CERS6: variants seen among roughly 807,000 people sequenced by gnomAD.
CERS6 encodes the protein LAG1 homolog, ceramide synthase 6.
Under a neutral mutation model 56.8 loss-of-function variants are expected in CERS6, and 26 were observed. That is an observed-to-expected ratio of 0.46 (90% CI 0.34 to 0.63). The LOEUF (loss-of-function observed/expected upper bound fraction) is 0.63, where lower values mean the gene tolerates loss of function less well. Among genes scored for constraint, CERS6 ranks in the 30% least tolerant of loss-of-function variants. CERS6 has a pLI of 0.01. For synonymous variants in CERS6, 164 were observed against 173.3 expected, an observed-to-expected ratio of 0.95 and a Z score of 0.42; for missense variants, 415 against 467.5, an observed-to-expected ratio of 0.89 and a Z score of 1.04.
At chr2:168,684,177 G>A (rs1320191036) in intron 4 of CERS6, among the ~76,000 whole-genome samples, 1 of 152,096 alleles carries the variant, frequency 6.6e-6, no homozygotes, top group Non-Finnish European at 1.5e-5. Flanking sequence ...TAATGCCAGG[G>A]GGTCAAGTCC....
At chr2:168,680,417 T>C (rs1224104715) in intron 4 of CERS6, among the ~76,000 whole-genome samples, 25 of 152,198 alleles carry the variant, frequency 1.6e-4, no homozygotes, top group Non-Finnish European at 1.5e-5. Context: ...GTTGGAGAAA[T>C]GGCTTGGTCC....
At chr2:168,489,749 C>T (rs1288127104) in intron 1 of CERS6, among the ~76,000 whole-genome samples, 1 of 151,994 alleles carries the variant, frequency 6.6e-6, no homozygotes, top group East Asian at 1.9e-4. Flanking sequence ...CTGTTGAGAA[C>T]TTCTGTCTTT....
chr2:168,759,454 A>G (rs1392120960), intron 8 of CERS6, among the ~76,000 whole-genome samples: 1 of 152,224 alleles, frequency 6.6e-6, no homozygotes, highest in Non-Finnish European at 1.5e-5. Flanking sequence ...AAATGGTCTC[A>G]GGTCCCTTCT....
chr2:168,596,229 T>G (rs1347573335), intron 3 of CERS6, among the ~76,000 whole-genome samples: 1 of 151,852 alleles, frequency 6.6e-6, no homozygotes, highest in African/African-American at 2.4e-5. Context: ...ATAAGATGAG[T>G]GGCTTTGGTT....
At chr2:168,597,751 T>C (rs1442553909) in intron 3 of CERS6, among the ~76,000 whole-genome samples, 1 of 152,232 alleles carries the variant, frequency 6.6e-6, no homozygotes, top group African/African-American at 2.4e-5. Context: ...ATAATGCTTT[T>C]CCTATTTACT....
At chr2:168,601,467 T>C (rs192481675) in intron 3 of CERS6, among the ~76,000 whole-genome samples, 2 of 152,242 alleles carry the variant, frequency 1.3e-5, no homozygotes, top group African/African-American at 4.8e-5. Flanking sequence ...AAACAGTTTC[T>C]AGCACTAGTG....
At chr2:168,547,127 G>A (rs1024989733) in intron 1 of CERS6, among the ~76,000 whole-genome samples, 1 of 152,182 alleles carries the variant, frequency 6.6e-6, no homozygotes, top group Non-Finnish European at 1.5e-5. Flanking sequence ...AGCACACTTT[G>A]ATTATAGAGA....
chr2:168,550,529 G>A (rs551507867), intron 2 of CERS6, among the ~76,000 whole-genome samples: 1 of 152,272 alleles, frequency 6.6e-6, no homozygotes, highest in African/African-American at 2.4e-5. Context: ...GGCATGGGGA[G>A]ACTCTTGGAG....
At chr2:168,665,952 CTGTGTGTGTGTGTGTGTGTGTG>C (rs58913968) in intron 4 of CERS6, among the ~76,000 whole-genome samples, 10 of 143,290 alleles carry the variant, frequency 7.0e-5, no homozygotes, top group African/African-American at 2.7e-4. Context: ...AATTAGTAGA[CTGTGTGTGTGTGTGTGTGTGTG>C]TGTGTGTGTG....
chr2:168,698,807 A>G (rs1371621940), intron 6 of CERS6, among the ~76,000 whole-genome samples: 2 of 152,196 alleles, frequency 1.3e-5, no homozygotes, highest in Non-Finnish European at 2.9e-5. Flanking sequence ...ATTTTATAGT[A>G]AAGTTTGTGG....
chr2:168,707,854 C>A (rs1259327567), intron 6 of CERS6, among the ~76,000 whole-genome samples: 2 of 151,976 alleles, frequency 1.3e-5, no homozygotes, highest in Non-Finnish European at 2.9e-5. Context: ...TGTTTTTTAA[C>A]CAAATTATTA....
intron 8 of CERS6, among the ~76,000 whole-genome samples, chr2:168,761,848 T>C (rs1446731617): frequency 6.6e-6 from 1 of 152,196 alleles, no homozygotes; most frequent in East Asian, 1.9e-4. Context: ...GGCATTATCC[T>C]AATTTAGTCA....
intron 4 of CERS6, among the ~76,000 whole-genome samples, chr2:168,654,738 A>G (rs549940891): frequency 6.6e-6 from 1 of 152,332 alleles, no homozygotes; most frequent in East Asian, 1.9e-4. Flanking sequence ...TATCATGACT[A>G]TTCGAGTCCT....
chr2:168,606,169 C>G (rs994953672), intron 3 of CERS6, among the ~76,000 whole-genome samples: 9 of 152,236 alleles, frequency 5.9e-5, no homozygotes, highest in African/African-American at 1.9e-4. Flanking sequence ...GGGGAACCAA[C>G]TTCTTACACC....
intron 6 of CERS6, among the ~76,000 whole-genome samples, chr2:168,705,858 T>C (rs1479087539): frequency 1.3e-5 from 2 of 151,906 alleles, no homozygotes; most frequent in African/African-American, 4.8e-5. Context: ...AAAAAAAAAA[T>C]GGAGAGTTAA....
intron 3 of CERS6, among the ~76,000 whole-genome samples, chr2:168,564,050 A>AT (rs1695840117): frequency 6.6e-6 from 1 of 151,844 alleles, no homozygotes; most frequent in Non-Finnish European, 1.5e-5. Context: ...TTTTGTTTGC[A>AT]TCATTTATTC....
intron 1 of CERS6, among the ~76,000 whole-genome samples, chr2:168,474,669 A>G (rs1694036523): frequency 6.6e-6 from 1 of 152,228 alleles, no homozygotes; most frequent in Admixed American, 6.5e-5. Context: ...AGAAATGGGA[A>G]TGATAATCAT....
intron 4 of CERS6, among the ~76,000 whole-genome samples, chr2:168,633,537 C>T (rs1170769346): frequency 6.6e-6 from 1 of 152,152 alleles, no homozygotes; most frequent in African/African-American, 2.4e-5. Flanking sequence ...GCAAGCCTAC[C>T]CTAACTGCCC....
chr2:168,702,419 T>C (rs1686828794), intron 6 of CERS6, among the ~76,000 whole-genome samples: 1 of 152,218 alleles, frequency 6.6e-6, no homozygotes, highest in Admixed American at 6.5e-5. Context: ...TGTCACGTTG[T>C]TTCAAAGAAA....
Sources: allele counts gnomAD v4.1 joint callset (sites outside exome capture counted in the v4.1 genomes callset), GRCh38; gene constraint gnomAD v4.1.1; transcripts MANE v1.5; gene names NCBI Gene and HGNC (gene_info 2026-07-23, HGNC 2026-07-21).